AGBL1: variants seen among roughly 807,000 people sequenced by gnomAD.
AGBL1 encodes the protein cytosolic carboxypeptidase 4.
AGBL1 carries 130 observed loss-of-function variants against 118.9 expected under a neutral mutation model. The ratio of observed to expected loss-of-function variants is 1.09; its 90% CI spans 0.95 to 1.26. AGBL1 has a LOEUF of 1.26. Ranked by LOEUF, AGBL1 falls within the 50% of genes most tolerant of loss-of-function variation. The pLI, the probability that AGBL1 is intolerant of heterozygous loss-of-function variation, is 0.00. For synonymous variants in AGBL1, 555 were observed against 478.9 expected (o/e 1.16, Z -2.08); for missense variants, 1,584 against 1,298.1 (o/e 1.22, Z -3.38).
rs1229410953 is a variant in AGBL1, at chr15:86,909,569, AC to A, written c.*2276del. 3 of 152,246 alleles carry A rather than the reference AC, an allele frequency of 2.0e-5. No homozygotes were observed. The highest frequency in any genetic ancestry group is 1.3e-4 in the Admixed American group (2 of 15,288). The allele number at this position is 152,246 out of a possible 1,614,324, so 9.4% of individuals were successfully genotyped here. ...TTGTATATCCATTCTTCATATTAAG[AC>A]ATGTATGTTTATGTAACATATGCAA... On this transcript the variant is annotated 3_prime_UTR_variant, in exon 23 of 23. Transcript: ENST00000614907.
At chr15:86,726,793 G>A (rs1166548285) in intron 22 of AGBL1, among the ~76,000 whole-genome samples, 2 of 152,096 alleles carry the variant, frequency 1.3e-5, no homozygotes, top group African/African-American at 4.8e-5. Flanking sequence ...GGGCTCAAGC[G>A]ATCCTCCTGC....
chr15:86,494,138 C>G (rs192629073), intron 18 of AGBL1, among the ~76,000 whole-genome samples: 1 of 152,124 alleles, frequency 6.6e-6, no homozygotes, highest in East Asian at 1.9e-4. Flanking sequence ...AAGTGTTTAT[C>G]AAGAGTATTT....
At chr15:86,840,685 C>T (rs1269893141) in intron 22 of AGBL1, among the ~76,000 whole-genome samples, 1 of 152,102 alleles carries the variant, frequency 6.6e-6, no homozygotes, top group Non-Finnish European at 1.5e-5. Flanking sequence ...GGTGATCCAC[C>T]CACCTCAGCC....
chr15:86,741,495 T>C (rs1596434561), intron 22 of AGBL1, among the ~76,000 whole-genome samples: 1 of 142,498 alleles, frequency 7.0e-6, no homozygotes, highest in East Asian at 2.1e-4. Flanking sequence ...TAAGCACTGA[T>C]AATGTAAATA....
At chr15:86,500,970 G>T (rs893779714) in intron 18 of AGBL1, among the ~76,000 whole-genome samples, 3 of 151,684 alleles carry the variant, frequency 2.0e-5, no homozygotes, top group Non-Finnish European at 3.0e-5. Flanking sequence ...CCATGTGCAA[G>T]ATTTTATGTG....
At chr15:86,986,481 T>G (rs542190298) in intron 23 of AGBL1, among the ~76,000 whole-genome samples, 1 of 152,298 alleles carries the variant, frequency 6.6e-6, no homozygotes, top group South Asian at 2.1e-4. Context: ...TTGTAGTCAT[T>G]GTATAGCCTT....
intron 19 of AGBL1, among the ~76,000 whole-genome samples, chr15:86,543,971 G>A (rs1175530784): frequency 6.6e-6 from 1 of 152,140 alleles, no homozygotes; most frequent in Non-Finnish European, 1.5e-5. Context: ...ATGGAATTTT[G>A]GGCTGAGACT....
intron 17 of AGBL1, among the ~76,000 whole-genome samples, chr15:86,352,963 AAAAAT>A (rs1477241530): frequency 6.6e-6 from 1 of 152,248 alleles, no homozygotes; most frequent in Non-Finnish European, 1.5e-5. Flanking sequence ...ACATGTCAGA[AAAAAT>A]AAAAAGTTTT....
At chr15:86,256,547 T>G (rs1020708868) in intron 7 of AGBL1, among the ~76,000 whole-genome samples, 1 of 152,206 alleles carries the variant, frequency 6.6e-6, no homozygotes, top group African/African-American at 2.4e-5. Flanking sequence ...ATGTCTTGCC[T>G]TAGGCGCAGC....
intron 3 of AGBL1, among the ~76,000 whole-genome samples, chr15:86,148,131 A>G (rs539182762): frequency 6.6e-6 from 1 of 152,366 alleles, no homozygotes; most frequent in South Asian, 2.1e-4. Context: ...GTAGATCACC[A>G]ACGTCAAAGA....
chr15:86,988,634 A>T (rs937356405), intron 24 of AGBL1, among the ~76,000 whole-genome samples: 3 of 152,198 alleles, frequency 2.0e-5, no homozygotes, highest in Non-Finnish European at 4.4e-5. Context: ...CTGTTGTCAG[A>T]TTTATCTAAA....
At chr15:86,402,323 T>C (rs1193024771) in intron 18 of AGBL1, among the ~76,000 whole-genome samples, 6 of 152,152 alleles carry the variant, frequency 3.9e-5, no homozygotes, top group Non-Finnish European at 8.8e-5. Flanking sequence ...GAAACTTTAC[T>C]GAATTCATTG....
At chr15:87,002,906 C>G (rs1210591029) in intron 24 of AGBL1, among the ~76,000 whole-genome samples, 1 of 152,126 alleles carries the variant, frequency 6.6e-6, no homozygotes, top group African/African-American at 2.4e-5. Context: ...TCTAGATATA[C>G]AATCATGTCA....
At chr15:86,178,455 C>G (rs1202706366) in intron 5 of AGBL1, among the ~76,000 whole-genome samples, 1 of 152,160 alleles carries the variant, frequency 6.6e-6, no homozygotes, top group East Asian at 1.9e-4. Context: ...ATACTACGAA[C>G]AACTTTGTGC....
chr15:86,903,709 C>G (rs1175332813), intron 22 of AGBL1, among the ~76,000 whole-genome samples: 2 of 152,180 alleles, frequency 1.3e-5, no homozygotes. Flanking sequence ...CTAGGTTCCC[C>G]ACTAGGCCTC....
intron 21 of AGBL1, among the ~76,000 whole-genome samples, chr15:86,577,856 G>A (rs34227186): frequency 0.069 from 10,501 of 152,204 alleles, 515 homozygotes; most frequent in Non-Finnish European, 0.1. Flanking sequence ...GGGAACCTCC[G>A]CCTAGATTTC....
intron 18 of AGBL1, among the ~76,000 whole-genome samples, chr15:86,510,468 C>T (rs2083040909): frequency 6.6e-6 from 1 of 152,134 alleles, no homozygotes. Context: ...TCTTATGATT[C>T]ATTACAGGAC....
chr15:86,648,717 G>A (rs963300728), intron 21 of AGBL1, among the ~76,000 whole-genome samples: 1 of 152,152 alleles, frequency 6.6e-6, no homozygotes, highest in Non-Finnish European at 1.5e-5. Flanking sequence ...AATAAGAAAC[G>A]AGGTAGAAGG....
At chr15:87,017,724 G>A (rs567925703) in intron 24 of AGBL1, among the ~76,000 whole-genome samples, 23 of 152,208 alleles carry the variant, frequency 1.5e-4, no homozygotes, top group African/African-American at 5.3e-4. Flanking sequence ...AACCCAAAAA[G>A]CCAGAGTGCC....
Sources: allele counts gnomAD v4.1 joint callset (sites outside exome capture counted in the v4.1 genomes callset), GRCh38; gene constraint gnomAD v4.1.1; transcripts MANE v1.5; gene names NCBI Gene and HGNC (gene_info 2026-07-23, HGNC 2026-07-21).